The following HMCN1 variants were observed in gnomAD, a reference collection of about 807,000 sequenced individuals.
HMCN1 encodes the protein hemicentin 1.
Under a neutral mutation model 625.9 loss-of-function variants are expected in HMCN1, and 321 were observed. The ratio of observed to expected loss-of-function variants is 0.51; its 90% CI spans 0.47 to 0.56. HMCN1 has a LOEUF of 0.56. Among genes scored for constraint, HMCN1 ranks in the 20% least tolerant of loss-of-function variants. The pLI is 0.00. For synonymous variants in HMCN1, 2,425 were observed against 2,417.6 expected (o/e 1.00, Z -0.09); for missense variants, 6,588 against 6,887.3 (o/e 0.96, Z 1.54).
chr1:186,176,270 T>C (rs1652570997), intron 103 of HMCN1, among the ~76,000 whole-genome samples: 1 of 152,248 alleles, frequency 6.6e-6, no homozygotes, highest in Admixed American at 6.5e-5. Context: ...TGTTCATTAA[T>C]TCAAAATTAT....
chr1:185,860,094 G>C (rs1333995082), intron 2 of HMCN1, among the ~76,000 whole-genome samples: 1 of 152,022 alleles, frequency 6.6e-6, no homozygotes, highest in Non-Finnish European at 1.5e-5. Flanking sequence ...AAAAGAATAA[G>C]CTTATTTTTC....
In HMCN1 at chr1:185,893,222, G is replaced by A. The variant is rs191297303; in HGVS notation, c.622-16115G>A. Among the ~76,000 whole-genome samples, 567 of 152,324 alleles carry A rather than the reference G, an allele frequency of 3.7e-3. 2 individuals are homozygous for A. The highest frequency in any genetic ancestry group is 0.013 in the African/African-American group (523 of 41,570). On this transcript the variant is annotated intron_variant, in intron 4 of 106. Coordinates refer to ENST00000271588, the MANE Select transcript of HMCN1 (RefSeq NM_031935.3). Reference sequence around the variant, plus strand: ...TGTGCCCACTGTCTGGCACTCCCTAGTGAGATGAACCCGGTACATCAGATG... The same window carrying A: ...TGTGCCCACTGTCTGGCACTCCCTAATGAGATGAACCCGGTACATCAGATG...
chr1:186,140,164 G>T (rs12080760), intron 89 of HMCN1, among the ~76,000 whole-genome samples: 70,101 of 151,856 alleles, frequency 0.46, 17,784 homozygotes, highest in African/African-American at 0.67. Flanking sequence ...TATCTAATCT[G>T]GTTATCTAAT....
At chr1:186,171,867 T>G in intron 101 of HMCN1, 139 bp from the exon 102 acceptor site, 1 of 691,542 alleles carries the variant, frequency 1.4e-6, no homozygotes, top group Non-Finnish European at 2.4e-6. Context: ...TTGTTGAATT[T>G]AAGCACTTTA....
intron 97 of HMCN1, among the ~76,000 whole-genome samples, chr1:186,160,075 A>G (rs1242884881): frequency 1.3e-5 from 2 of 151,524 alleles, no homozygotes; most frequent in Non-Finnish European, 2.9e-5. Context: ...TTGGTAAGCT[A>G]TTGATTATTG....
chr1:186,038,930 G>A lies in HMCN1; in HGVS notation c.5953G>A (p.Asp1985Asn), dbSNP rs1385781776. Residue 1985 changes from aspartate (D) to asparagine (N), a missense_variant, in exon 38 of 107, where the codon GAT becomes AAT. Around this residue, in one of 3 missense-constraint regions of HMCN1, gnomAD observed 4,628 missense variants for 4,853.1 expected, o/e 0.95. Coordinates refer to ENST00000271588, the MANE Select transcript of HMCN1 (RefSeq NM_031935.3). ...IIDIESAQIS[D>N]AGIYKCVAIN... The stretch of plus-strand genomic sequence containing the variant: ...TGATATTGAAAGTGCCCAGATCTCA[G>A]ATGCTGGCATATATAAATGCGTGGC... 6.2e-7 allele frequency: 1 copy of A among 1,610,878 alleles called. No individual in the cohort carries two copies. Among genetic ancestry groups the A allele is most frequent in the South Asian group, 1.1e-5 (1 of 91,020 alleles).
chr1:185,747,426 C>T (rs901145537), intron 1 of HMCN1, among the ~76,000 whole-genome samples: 3 of 151,764 alleles, frequency 2.0e-5, no homozygotes, highest in African/African-American at 7.3e-5. Flanking sequence ...TCAAGCAATT[C>T]TCATGCCTTA....
intron 12 of HMCN1, among the ~76,000 whole-genome samples, chr1:185,963,140 C>CT (rs1650147445): frequency 6.6e-6 from 1 of 152,046 alleles, no homozygotes; most frequent in African/African-American, 2.4e-5. Flanking sequence ...TCACTGGGTG[C>CT]TTTTTAAAAG....
At chr1:186,141,464 C>T (rs530691601) in intron 89 of HMCN1, among the ~76,000 whole-genome samples, 1 of 152,302 alleles carries the variant, frequency 6.6e-6, no homozygotes, top group African/African-American at 2.4e-5. Flanking sequence ...TGTACTTTCC[C>T]TGCCCCAGTT....
intron 42 of HMCN1, among the ~76,000 whole-genome samples, chr1:186,050,519 A>G (rs1485061713): frequency 6.6e-6 from 1 of 151,992 alleles, no homozygotes; most frequent in African/African-American, 2.4e-5. Context: ...TGTGCCATGG[A>G]AACTAACGAC....
chr1:186,100,852 T>C (rs1224103414), intron 68 of HMCN1, among the ~76,000 whole-genome samples: 2 of 152,140 alleles, frequency 1.3e-5, no homozygotes, highest in Non-Finnish European at 2.9e-5. Flanking sequence ...TGTTTGGTGA[T>C]CAATGCAGTA....
chr1:186,139,159 T>A (rs2102540283), intron 89 of HMCN1, among the ~76,000 whole-genome samples: 1 of 152,258 alleles, frequency 6.6e-6, no homozygotes, highest in Non-Finnish European at 1.5e-5. Flanking sequence ...GAGGAAAGAT[T>A]TAGAAAATAA....
intron 36 of HMCN1, among the ~76,000 whole-genome samples, chr1:186,033,883 A>ATT (rs575996609): frequency 6.8e-6 from 1 of 147,254 alleles, no homozygotes; most frequent in South Asian, 2.1e-4. Flanking sequence ...TTTTATTGTC[A>ATT]TTTTTTTTTT....
chr1:185,936,651 A>G (rs923668569), intron 11 of HMCN1, among the ~76,000 whole-genome samples: 1 of 152,242 alleles, frequency 6.6e-6, no homozygotes, highest in Non-Finnish European at 1.5e-5. Context: ...ACCTGGTTCC[A>G]GATAGAAAAT....
At chr1:185,997,078 A>T (rs147358451) in intron 24 of HMCN1, among the ~76,000 whole-genome samples, 5 of 152,236 alleles carry the variant, frequency 3.3e-5, no homozygotes, top group Admixed American at 1.3e-4. Flanking sequence ...AAGCATAGAG[A>T]GGAAGACACA....
intron 1 of HMCN1, among the ~76,000 whole-genome samples, chr1:185,790,375 G>A (rs1297545267): frequency 6.6e-6 from 1 of 152,142 alleles, no homozygotes; most frequent in African/African-American, 2.4e-5. Flanking sequence ...TCCTTAGACT[G>A]TGATGCTACC....
At chr1:185,997,323 A>G in intron 24 of HMCN1, 106 bp from the exon 25 acceptor site, 1 of 756,110 alleles carries the variant, frequency 1.3e-6, no homozygotes, top group South Asian at 1.4e-5. Context: ...TTAAAAGAAG[A>G]ATCAGCAGAG....
At chr1:185,909,976 A>G (rs1666322804) in intron 5 of HMCN1, among the ~76,000 whole-genome samples, 1 of 152,110 alleles carries the variant, frequency 6.6e-6, no homozygotes, top group Non-Finnish European at 1.5e-5. Flanking sequence ...ATTCTTAGTA[A>G]AGGGAACTTT....
chr1:186,046,098 TATC>T (rs1440157973), intron 41 of HMCN1, among the ~76,000 whole-genome samples: 1 of 152,082 alleles, frequency 6.6e-6, no homozygotes, highest in African/African-American at 2.4e-5. Context: ...TCCAGGAAAA[TATC>T]ATAGAAATAA....
Sources: allele counts gnomAD v4.1 joint callset (sites outside exome capture counted in the v4.1 genomes callset), GRCh38; gene constraint gnomAD v4.1.1; regional missense constraint gnomAD v4.1.1; transcripts MANE v1.5; gene names NCBI Gene and HGNC (gene_info 2026-07-23, HGNC 2026-07-21).